Variants in ST6GALNAC5 observed in about 807,000 individuals in gnomAD.
ST6GALNAC5 encodes alpha-N-acetylgalactosaminide alpha-2,6-sialyltransferase 5.
Under a neutral mutation model 33.6 loss-of-function variants are expected in ST6GALNAC5, and 27 were observed. That is an observed-to-expected ratio of 0.80 (90% CI 0.59 to 1.11). The LOEUF (loss-of-function observed/expected upper bound fraction) is 1.11. ST6GALNAC5 is among the 50% of genes least tolerant of loss of function. The pLI is 0.00. For synonymous variants in ST6GALNAC5, 194 were observed against 171.2 expected, an observed-to-expected ratio of 1.13 and a Z score of -1.04; for missense variants, 428 against 454.0, an observed-to-expected ratio of 0.94 and a Z score of 0.52.
chr1:76,993,034 C>A (rs539833543), intron 2 of ST6GALNAC5, among the ~76,000 whole-genome samples: 11 of 152,244 alleles, frequency 7.2e-5, no homozygotes, highest in African/African-American at 2.6e-4. Flanking sequence ...CCTGCCTTAC[C>A]CATCCACTCA....
intron 2 of ST6GALNAC5, among the ~76,000 whole-genome samples, chr1:76,999,393 G>T (rs991192441): frequency 6.6e-6 from 1 of 152,000 alleles, no homozygotes; most frequent in Non-Finnish European, 1.5e-5. Flanking sequence ...CAATTTGGGA[G>T]ATGGGATGGT....
At chr1:76,990,629 C>T (rs911916217) in intron 2 of ST6GALNAC5, among the ~76,000 whole-genome samples, 6 of 152,130 alleles carry the variant, frequency 3.9e-5, no homozygotes, top group African/African-American at 1.2e-4. Flanking sequence ...GCTCCATCCT[C>T]AACCTAATCT....
intron 2 of ST6GALNAC5, among the ~76,000 whole-genome samples, chr1:76,978,513 C>A (rs1325222391): frequency 1.3e-5 from 2 of 152,008 alleles, no homozygotes; most frequent in African/African-American, 2.4e-5. Context: ...TTAACATAAC[C>A]AAGAATAAAA....
intron 2 of ST6GALNAC5, among the ~76,000 whole-genome samples, chr1:76,998,189 T>C (rs1030502508): frequency 7.2e-5 from 11 of 152,026 alleles, no homozygotes; most frequent in African/African-American, 1.7e-4. Context: ...ATACAGTAAA[T>C]TGGTACCAGG....
chr1:77,026,790 T>TATGAATGA (rs1264522637), intron 2 of ST6GALNAC5, among the ~76,000 whole-genome samples: 3 of 139,308 alleles, frequency 2.2e-5, no homozygotes, highest in Non-Finnish European at 1.5e-5. Flanking sequence ...AAGAACACTT[T>TATGAATGA]CTGAATGAAT....
chr1:76,895,776 A>G (rs1001155954), intron 2 of ST6GALNAC5, among the ~76,000 whole-genome samples: 5 of 152,124 alleles, frequency 3.3e-5, no homozygotes, highest in Admixed American at 2.6e-4. Flanking sequence ...TAGACAGAAG[A>G]TAGTAGGGAT....
At chr1:76,913,589 C>T (rs1396775856) in intron 2 of ST6GALNAC5, among the ~76,000 whole-genome samples, 1 of 152,232 alleles carries the variant, frequency 6.6e-6, no homozygotes, top group Middle Eastern at 3.4e-3. Flanking sequence ...TTCACATAGT[C>T]TCATGTTTCT....
In ST6GALNAC5 at chr1:77,044,400, T is replaced by C. The variant is rs767074047; in HGVS notation, c.458T>C (p.Leu153Pro). ...GCGCATTCCAGCATCCAGAGGATCC[T>C]CCGCAACCGCCATGACCTGCTCAAC... is the stretch of plus-strand genomic sequence containing the variant. ...VIAHSSIQRI[L>P]RNRHDLLNVS... Residue 153 changes from leucine (L) to proline (P), a missense_variant, in exon 3 of 5, where the codon CTC becomes CCC. By Grantham distance (98) the Leu-to-Pro change is moderately conservative. Transcript: ENST00000477717. 95 of 1,612,616 alleles carry C rather than the reference T, an allele frequency of 5.9e-5. No homozygotes were observed. Among genetic ancestry groups the C allele is most frequent in the Non-Finnish European group, 7.8e-5 (92 of 1,179,172 alleles).
chr1:76,890,381 G>T (rs1378112680), intron 2 of ST6GALNAC5, among the ~76,000 whole-genome samples: 4 of 151,992 alleles, frequency 2.6e-5, no homozygotes, highest in Non-Finnish European at 5.9e-5. Flanking sequence ...ATTCCTTAGG[G>T]TCATGGTTTT....
In ST6GALNAC5 at chr1:76,908,498, G is replaced by A. The variant is rs140153111; in HGVS notation, c.261+39756G>A. Among the ~76,000 whole-genome samples, 21 of 152,228 alleles carry A rather than the reference G, an allele frequency of 1.4e-4. No individual in the cohort carries two copies. In the East Asian group the frequency reaches 3.7e-3, roughly 27 times the overall value. On this transcript the variant is annotated intron_variant, in intron 2 of 4. Coordinates refer to ENST00000477717, the MANE Select transcript of ST6GALNAC5 (RefSeq NM_030965.3). ...AGGTTTCAATATGTGGATCTGAGGGGGACAAAACATTCAGATCACAGCAGT... is the reference window on the plus strand; with the variant it reads ...AGGTTTCAATATGTGGATCTGAGGGAGACAAAACATTCAGATCACAGCAGT...
intron 2 of ST6GALNAC5, among the ~76,000 whole-genome samples, chr1:76,884,874 T>G (rs183566398): frequency 6.6e-6 from 1 of 152,216 alleles, no homozygotes; most frequent in Admixed American, 6.5e-5. Flanking sequence ...CTAGGACTTA[T>G]GACAACTAGG....
At chr1:76,961,182 T>G (rs910874045) in intron 2 of ST6GALNAC5, among the ~76,000 whole-genome samples, 1 of 152,158 alleles carries the variant, frequency 6.6e-6, no homozygotes, top group Non-Finnish European at 1.5e-5. Context: ...AGCCGGTCCC[T>G]CCATTCGGGG....
chr1:76,910,943 G>A (rs186328499), intron 2 of ST6GALNAC5, among the ~76,000 whole-genome samples: 8 of 151,884 alleles, frequency 5.3e-5, no homozygotes, highest in African/African-American at 1.9e-4. Context: ...TAAAAATGAG[G>A]CATTCATCAA....
At chr1:76,918,886 TTCC>T (rs1647003484) in intron 2 of ST6GALNAC5, among the ~76,000 whole-genome samples, 2 of 152,154 alleles carry the variant, frequency 1.3e-5, no homozygotes, top group South Asian at 4.1e-4. Context: ...TTCTATCCAT[TTCC>T]TGTTTACTTC....
rs543902648 is a variant in ST6GALNAC5 at position 76,901,758 on chromosome 1, G to C, written c.261+33016G>C. Among the ~76,000 whole-genome samples, 8 of 152,198 alleles carry C rather than the reference G, an allele frequency of 5.3e-5. No individual in the cohort carries two copies. The South Asian group carries it at 1.7e-3, about 32-fold the overall frequency. ...AAAATTCTGTTTATTCTTTTTGAGAGTTCCCAAAATATCTTTATTGATTTG... is the reference window on the plus strand; with the variant it reads ...AAAATTCTGTTTATTCTTTTTGAGACTTCCCAAAATATCTTTATTGATTTG... On this transcript the variant is annotated intron_variant, in intron 2 of 4. Coordinates refer to ENST00000477717, the MANE Select transcript of ST6GALNAC5 (RefSeq NM_030965.3).
intron 2 of ST6GALNAC5, among the ~76,000 whole-genome samples, chr1:76,996,871 G>C (rs918257771): frequency 2.0e-5 from 3 of 152,170 alleles, no homozygotes; most frequent in Admixed American, 6.5e-5. Flanking sequence ...CATTCAAGCA[G>C]GTGAGATCCT....
At chr1:77,054,874 C>T (rs1416066129) in intron 4 of ST6GALNAC5, among the ~76,000 whole-genome samples, 1 of 152,112 alleles carries the variant, frequency 6.6e-6, no homozygotes, top group Non-Finnish European at 1.5e-5. Flanking sequence ...AGAAAGATAG[C>T]ATTGCATTCA....
intron 2 of ST6GALNAC5, among the ~76,000 whole-genome samples, chr1:77,010,940 C>A (rs890126229): frequency 2.6e-5 from 4 of 152,224 alleles, no homozygotes; most frequent in Non-Finnish European, 5.9e-5. Flanking sequence ...ACATGTCATT[C>A]AGATGTTGGA....
chr1:76,924,485 T>C, intron 2 of ST6GALNAC5, among the ~76,000 whole-genome samples: 1 of 152,170 alleles, frequency 6.6e-6, no homozygotes, highest in Non-Finnish European at 1.5e-5. Flanking sequence ...TCGGACTTAA[T>C]GGAGGATACC....
Sources: allele counts gnomAD v4.1 joint callset (sites outside exome capture counted in the v4.1 genomes callset), GRCh38; gene constraint gnomAD v4.1.1; transcripts MANE v1.5; gene names NCBI Gene and HGNC (gene_info 2026-07-23, HGNC 2026-07-21).